PTK7: variants seen among roughly 807,000 people sequenced by gnomAD.
PTK7 encodes inactive tyrosine-protein kinase 7.
PTK7 carries 39 observed loss-of-function variants against 116.6 expected under a neutral mutation model. That is an observed-to-expected ratio of 0.33 (90% CI 0.26 to 0.44). The LOEUF (loss-of-function observed/expected upper bound fraction) is 0.44, where lower values mean the gene tolerates loss of function less well. PTK7 is among the 20% of genes least tolerant of loss of function. The pLI is 1.00. For synonymous variants in PTK7, 546 were observed against 563.6 expected (o/e 0.97, Z 0.44); for missense variants, 1,169 against 1,425.6 (o/e 0.82, Z 2.90).
intron 5 of PTK7, chr6:43,131,677 C>T: frequency 2.9e-6 from 1 of 348,400 alleles, no homozygotes; most frequent in South Asian, 2.5e-5. Context: ...CACTGGGTCC[C>T]TCCCACAACA....
In PTK7 at chr6:43,116,604, T is replaced by TTGTGTGTGTGTG. The variant is rs751605217; in HGVS notation, c.80-12336_80-12325dup. ...AGGAAGAAGGCCAGGAAAAGCTGGT[T>TTGTGTGTGTGTG]TGTGTGTGTGTGTGTGTGTGTGTGT... On this transcript the variant is annotated intron_variant, in intron 1 of 19. Transcript: ENST00000230419. Among the ~76,000 whole-genome samples the TTGTGTGTGTGTG allele has an allele frequency of 2.9e-4, 35 of 119,156 alleles. No homozygotes were observed. The Middle Eastern group carries it at 0.013, about 43-fold the overall frequency. The allele number at this position is 119,156 out of a possible 152,430, so 78.2% of individuals were successfully genotyped here.
chr6:43,099,080 A>G (rs1767416869), intron 1 of PTK7, among the ~76,000 whole-genome samples: 2 of 151,876 alleles, frequency 1.3e-5, no homozygotes. Flanking sequence ...TTAAAAATAT[A>G]AAATAGATAA....
At chr6:43,118,749 ATGTG>A (rs58128834) in intron 1 of PTK7, among the ~76,000 whole-genome samples, 132 of 118,742 alleles carry the variant, frequency 1.1e-3, no homozygotes, top group Middle Eastern at 4.6e-3. Context: ...ATGTGTGTGT[ATGTG>A]TGTGTGTGTG....
chr6:43,117,240 A>G (rs1768612069), intron 1 of PTK7, among the ~76,000 whole-genome samples: 1 of 152,242 alleles, frequency 6.6e-6, no homozygotes, highest in Admixed American at 6.5e-5. Flanking sequence ...AGCAGGATGT[A>G]GGAGAAGGCC....
At chr6:43,146,756 A>T in intron 17 of PTK7, 58 bp downstream of exon 17, 1 of 1,476,626 alleles carries the variant, frequency 6.8e-7, no homozygotes, top group South Asian at 1.1e-5. Context: ...GCCAGGAGCA[A>T]CAGAGGCACC....
At chr6:43,122,896 C>T (rs577066731) in intron 1 of PTK7, among the ~76,000 whole-genome samples, 8 of 151,124 alleles carry the variant, frequency 5.3e-5, no homozygotes, top group South Asian at 2.1e-4. Context: ...CATGAGCCAC[C>T]GCACCCGGCC....
chr6:43,157,365 T>TATATAAA (rs1554162298), intron 17 of PTK7, among the ~76,000 whole-genome samples: 2 of 26,898 alleles, frequency 7.4e-5, no homozygotes, highest in African/African-American at 1.8e-4. Flanking sequence ...TATATATATA[T>TATATAAA]TTTTTTTTTT....
At chr6:43,148,234 C>T (rs1770836936) in intron 17 of PTK7, among the ~76,000 whole-genome samples, 1 of 150,980 alleles carries the variant, frequency 6.6e-6, no homozygotes, top group South Asian at 2.1e-4. Context: ...GCCTGGGCAA[C>T]AGAGCACGAT....
At chr6:43,138,769 A>G (rs979588406) in intron 7 of PTK7, 80 bp from the exon 8 acceptor site, 16 of 1,508,824 alleles carry the variant, frequency 1.1e-5, no homozygotes, top group East Asian at 2.3e-5. Context: ...CTAGAATGGT[A>G]GTAGGATTTC....
At position 43,129,073 on chromosome 6, in the gene PTK7, G is replaced by T; in HGVS notation, c.176G>T (p.Gly59Val). The part of the protein sequence containing the change: ...ALLRCEVEAP[G>V]PVHVYWLLDG... ...CTTCGCTGTGAGGTTGAGGCTCCGGGCCCGGTACATGTGTACTGGCTGCTC... is the reference window on the plus strand; with the variant it reads ...CTTCGCTGTGAGGTTGAGGCTCCGGTCCCGGTACATGTGTACTGGCTGCTC... Residue 59 changes from glycine to valine, a missense_variant, in exon 2 of 20, where the codon GGC (glycine) becomes GTC (valine). Physicochemically the swap from Gly to Val is moderately radical, Grantham distance 109. Coordinates refer to ENST00000230419, the MANE Select transcript of PTK7 (RefSeq NM_002821.5). The surrounding 1 kb of genome is among the most constrained non-coding windows in gnomAD (Gnocchi z 4.5). 6.2e-7 allele frequency: 1 copy of T among 1,614,222 alleles called. No homozygotes were observed. Among genetic ancestry groups the T allele is most frequent in the East Asian group, 2.2e-5 (1 of 44,880 alleles).
rs554003547 is a variant in PTK7, at chr6:43,078,667, C to G, written c.79+2100C>G. The stretch of plus-strand genomic sequence containing the variant: ...AGGCTGGCTAGGTTTGTGGATTAGA[C>G]CATTTTAAAGTCTGGGTAATTATGC... On this transcript the variant is annotated intron_variant, in intron 1 of 19. Transcript: ENST00000230419. Among the ~76,000 whole-genome samples the G allele has an allele frequency of 9.9e-4, 151 of 152,278 alleles. 1 individual carries two copies. In the South Asian group the frequency reaches 0.017, roughly 17 times the overall value.
At chr6:43,144,789 A>C in intron 15 of PTK7, 183 bp downstream of exon 15, 2 of 618,482 alleles carry the variant, frequency 3.2e-6, no homozygotes, top group Non-Finnish European at 2.6e-6. Context: ...CTTCGTGCAG[A>C]TTTTGTCATT....
chr6:43,155,761 A>T, intron 17 of PTK7, among the ~76,000 whole-genome samples: 1 of 151,864 alleles, frequency 6.6e-6, no homozygotes, highest in East Asian at 1.9e-4. Context: ...AATCTCCCCA[A>T]CTCTTTCACT....
intron 1 of PTK7, among the ~76,000 whole-genome samples, chr6:43,092,577 C>T (rs993685859): frequency 6.6e-6 from 1 of 152,110 alleles, no homozygotes. Flanking sequence ...ACATATCCCC[C>T]CCAGGATTGG....
At chr6:43,082,479 A>G (rs922989993) in intron 1 of PTK7, among the ~76,000 whole-genome samples, 22 of 152,046 alleles carry the variant, frequency 1.4e-4, no homozygotes, top group African/African-American at 4.6e-4. Context: ...CCCTGCTGCA[A>G]TCTGCATTTT....
chr6:43,116,606 G>T (rs927462430), intron 1 of PTK7, among the ~76,000 whole-genome samples: 13 of 34,458 alleles, frequency 3.8e-4, no homozygotes, highest in East Asian at 2.4e-3. Flanking sequence ...AAGCTGGTTT[G>T]TGTGTGTGTG....
At chr6:43,127,172 G>A (rs886307871) in intron 1 of PTK7, among the ~76,000 whole-genome samples, 7 of 152,220 alleles carry the variant, frequency 4.6e-5, no homozygotes, top group South Asian at 2.1e-4. Flanking sequence ...AAAAGACTCC[G>A]TTAGTACCTT....
At chr6:43,079,766 A>G (rs1399160559) in intron 1 of PTK7, among the ~76,000 whole-genome samples, 1 of 151,674 alleles carries the variant, frequency 6.6e-6, no homozygotes, top group Non-Finnish European at 1.5e-5. Flanking sequence ...TCTCCTGTAT[A>G]CTTTAAATCA....
intron 1 of PTK7, among the ~76,000 whole-genome samples, chr6:43,080,535 T>A (rs1344516785): frequency 6.6e-6 from 1 of 152,232 alleles, no homozygotes; most frequent in East Asian, 1.9e-4. Context: ...AAGGAGTATA[T>A]CTGGCAAAGC....
Sources: allele counts gnomAD v4.1 joint callset (sites outside exome capture counted in the v4.1 genomes callset), GRCh38; gene constraint gnomAD v4.1.1; non-coding constraint Gnocchi (gnomAD v3.1); transcripts MANE v1.5; gene names NCBI Gene and HGNC (gene_info 2026-07-23, HGNC 2026-07-21).